The following NOD1 variants were observed in gnomAD, a reference collection of about 807,000 sequenced individuals.
NOD1 encodes the protein nucleotide binding oligomerization domain containing 1.
NOD1 carries 70 observed loss-of-function variants against 81.2 expected under a neutral mutation model. The observed-to-expected ratio is 0.86, with a 90% CI of 0.71 to 1.05. The LOEUF (loss-of-function observed/expected upper bound fraction) is 1.05. NOD1 is among the 50% of genes least tolerant of loss of function. The pLI is 0.00. For missense variants in NOD1, 1,233 were observed against 1,228.0 expected (o/e 1.00, Z -0.06); for synonymous variants, 508 against 526.9 (o/e 0.96, Z 0.49).
rs751372614 is a variant in NOD1, at chr7:30,451,431, T to C, written c.1986A>G (p.Thr662=). ...FIWMLRCIYE[T]QSQKVGQLAA... Reference sequence around the variant, plus strand: ...CCAGCTGCCCCACCTTCTGGCTCTGTGTCTCGTAGATGCAGCGCAGCATCC... The same window carrying C: ...CCAGCTGCCCCACCTTCTGGCTCTGCGTCTCGTAGATGCAGCGCAGCATCC... Residue 662 remains threonine, a synonymous_variant, in exon 6 of 14, where the codon ACA becomes ACG. Coordinates refer to ENST00000222823, the MANE Select transcript of NOD1 (RefSeq NM_006092.4). This position sits in a 1 kb window ranked among gnomAD's most constrained non-coding sequence, Gnocchi z 4.2. The C allele has an allele frequency of 3.1e-6, 5 of 1,613,678 alleles. No homozygotes were observed. In the African/African-American group the frequency reaches 5.3e-5, roughly 17 times the overall value.
intron 1 of NOD1, among the ~76,000 whole-genome samples, chr7:30,465,284 G>A (rs1787569555): frequency 6.6e-6 from 1 of 152,210 alleles, no homozygotes. Flanking sequence ...AAACCCACAG[G>A]AGGTGTGGGT....
At chr7:30,463,684 C>T (rs1347486499) in intron 1 of NOD1, 1 of 148,292 alleles carries the variant, frequency 6.7e-6, no homozygotes, top group East Asian at 2.0e-4. Flanking sequence ...ATGTGCATTT[C>T]TTATAACTGA....
intron 3 of NOD1, among the ~76,000 whole-genome samples, chr7:30,458,170 C>CA (rs1452709784): frequency 2.0e-5 from 3 of 152,100 alleles, no homozygotes; most frequent in African/African-American, 4.8e-5. Context: ...TGAGTTATCC[C>CA]AAAATTGCAC....
intron 10 of NOD1, 128 bp from the exon 11 acceptor site, chr7:30,436,209 T>A (rs574820230): frequency 1.1e-5 from 8 of 699,116 alleles, no homozygotes; most frequent in Non-Finnish European, 2.0e-5. Context: ...CGGGGCAGGA[T>A]GCAGAAGTGT....
intron 1 of NOD1, 177 bp from the exon 2 acceptor site, chr7:30,460,218 A>G: frequency 2.0e-6 from 2 of 984,554 alleles, no homozygotes; most frequent in Non-Finnish European, 2.4e-6. Context: ...CTTGGTAAAC[A>G]GAATCTAAGG....
rs146074604 is a variant in NOD1 at position 30,452,615 on chromosome 7, C to G, written c.802G>C (p.Val268Leu). Residue 268 changes from valine (V) to leucine (L), a missense_variant, in exon 6 of 14, where the codon GTG becomes CTG. Physicochemically the swap from Val to Leu is conservative, Grantham distance 32. Coordinates refer to ENST00000222823, the MANE Select transcript of NOD1 (RefSeq NM_006092.4). ...GGGAAGCGCAGCAGGAAGGCAAACA[C>G]CTCCTCGGGGTCCCGCTCTGGGTAG... ...YCYPERDPEEVFAFLLRFPHV... is the reference protein window; with the variant it reads ...YCYPERDPEELFAFLLRFPHV... 1.7e-5 allele frequency: 27 copies of G among 1,613,746 alleles called. No individual in the cohort carries two copies. The African/African-American group carries it at 3.1e-4, about 18-fold the overall frequency.
rs554861923 is a variant in NOD1 at position 30,456,046 on chromosome 7, T to C, written c.201+675A>G. Among the ~76,000 whole-genome samples, 3 of 152,322 alleles carry C rather than the reference T, an allele frequency of 2.0e-5. No individual in the cohort carries two copies. In the South Asian group the frequency reaches 6.2e-4, roughly 32 times the overall value. On this transcript the variant is annotated intron_variant, in intron 4 of 13. Transcript: ENST00000222823. ...GCCATATATTAAAAACGGCTTTTTT[T>C]CTTGTTAAAAATGTGGGAAAACAAA... is the stretch of plus-strand genomic sequence containing the variant.
chr7:30,427,807 G>A (rs1040355721), intron 13 of NOD1, among the ~76,000 whole-genome samples: 5 of 152,214 alleles, frequency 3.3e-5, no homozygotes, highest in African/African-American at 4.8e-5. Context: ...TTTACTACCC[G>A]CCTGACCAGC....
intron 1 of NOD1, among the ~76,000 whole-genome samples, chr7:30,461,448 G>T (rs1455703505): frequency 1.3e-5 from 2 of 152,300 alleles, no homozygotes; most frequent in Non-Finnish European, 2.9e-5. Flanking sequence ...AAAGTGCTGG[G>T]ATTACAGGTG....
At chr7:30,448,429 A>T (rs751894924) in intron 6 of NOD1, 48 bp from the exon 7 acceptor site, 1 of 1,418,342 alleles carries the variant, frequency 7.1e-7, no homozygotes, top group Admixed American at 1.7e-5. Flanking sequence ...GGCACTCATT[A>T]TGAAGGACCA....
chr7:30,432,492 C>T (rs1193158159), intron 12 of NOD1, among the ~76,000 whole-genome samples: 2 of 152,068 alleles, frequency 1.3e-5, no homozygotes, highest in Admixed American at 6.5e-5. Flanking sequence ...ACATTGCTGG[C>T]GAGAATGTAA....
At chr7:30,432,112 A>C (rs1207496297) in intron 12 of NOD1, among the ~76,000 whole-genome samples, 2 of 152,218 alleles carry the variant, frequency 1.3e-5, no homozygotes, top group African/African-American at 4.8e-5. Context: ...TCTCAAAAAA[A>C]ACAAAAATTA....
chr7:30,460,760 C>T, intron 1 of NOD1: 2 of 846,538 alleles, frequency 2.4e-6, no homozygotes, highest in Non-Finnish European at 2.8e-6. Flanking sequence ...CATTTCCTCT[C>T]AACCGCTCTT....
chr7:30,451,067 C>CA lies in NOD1; in HGVS notation c.2201+148_2201+149insT. The stretch of plus-strand genomic sequence containing the variant: ...CTGCCTCGAAGCTTTGCACCTTGAC[C>CA]TCTGCCCTGCTAAGAAAGAAAAGGT... On this transcript the variant is annotated intron_variant, in intron 6 of 13. Transcript: ENST00000222823. This position sits in a 1 kb window ranked among gnomAD's most constrained non-coding sequence, Gnocchi z 4.2. The CA allele has an allele frequency of 1.0e-6, 1 of 998,414 alleles. No homozygotes were observed. The highest frequency in any genetic ancestry group is 1.4e-6 in the Non-Finnish European group (1 of 701,670). 61.8% of individuals were successfully genotyped at this position (998,414 alleles called of 1,614,324 possible).
At chr7:30,433,287 G>T in intron 11 of NOD1, 108 bp from the exon 12 acceptor site, 2 of 803,776 alleles carry the variant, frequency 2.5e-6, no homozygotes, top group Non-Finnish European at 2.0e-6. Context: ...CTATGCAGAT[G>T]ATCACTTGCT....
intron 11 of NOD1, 123 bp downstream of exon 11, chr7:30,435,875 A>T: frequency 1.3e-6 from 1 of 753,746 alleles, no homozygotes; most frequent in East Asian, 2.6e-5. Flanking sequence ...GGAGGTTCGA[A>T]TGAGCCTGGG....
chr7:30,467,788 G>A lies in NOD1; in HGVS notation c.-351-7747C>T, dbSNP rs1303117522. ...GTGATCTTGGCTCACTGCAACCTCC[G>A]CCTCATAGGTTCAAGTGATTCTCCT... On this transcript the variant is annotated intron_variant, in intron 1 of 13. Coordinates refer to ENST00000222823, the MANE Select transcript of NOD1 (RefSeq NM_006092.4). This position sits in a 1 kb window ranked among gnomAD's most constrained non-coding sequence, Gnocchi z 4.5. Among the ~76,000 whole-genome samples the A allele has an allele frequency of 6.6e-6, 1 of 152,160 alleles. No individual in the cohort carries two copies. Among genetic ancestry groups the A allele is most frequent in the Admixed American group, 6.5e-5 (1 of 15,274 alleles).
chr7:30,460,369 C>T (rs890375916), intron 1 of NOD1: 1 of 985,230 alleles, frequency 1.0e-6, no homozygotes, highest in Non-Finnish European at 1.2e-6. Flanking sequence ...AGGGTGGGTC[C>T]AGTTGATGAA....
intron 13 of NOD1, among the ~76,000 whole-genome samples, chr7:30,426,127 C>A (rs1390980372): frequency 1.3e-5 from 2 of 152,104 alleles, no homozygotes; most frequent in South Asian, 4.1e-4. Context: ...CTCCATGTGA[C>A]CTCTACATCT....
Sources: allele counts gnomAD v4.1 joint callset (sites outside exome capture counted in the v4.1 genomes callset), GRCh38; gene constraint gnomAD v4.1.1; non-coding constraint Gnocchi (gnomAD v3.1); transcripts MANE v1.5; gene names NCBI Gene and HGNC (gene_info 2026-07-23, HGNC 2026-07-21).